Variants in AFAP1L2 observed in about 807,000 individuals in gnomAD.
The protein encoded by AFAP1L2 is actin filament-associated protein 1-like 2.
In AFAP1L2, 46 loss-of-function variants were observed where a neutral mutation model predicts 99.3. The ratio of observed to expected loss-of-function variants is 0.46; its 90% CI spans 0.37 to 0.59. AFAP1L2 has a LOEUF of 0.59. Ranked by LOEUF, AFAP1L2 falls within the 20% of genes least tolerant of loss-of-function variation. The probability of loss-of-function intolerance (pLI) is 0.00; values close to 1 mark genes in which losing one functional copy is unlikely to be tolerated. For missense variants in AFAP1L2, 959 were observed against 1,034.9 expected (o/e 0.93, Z 1.01); for synonymous variants, 397 against 419.1 (o/e 0.95, Z 0.64).
chr10:114,396,333 A>G (rs183458494), intron 1 of AFAP1L2, among the ~76,000 whole-genome samples: 1 of 152,234 alleles, frequency 6.6e-6, no homozygotes, highest in African/African-American at 2.4e-5. Flanking sequence ...AAAGGAAAAC[A>G]CCAAGATCTT....
intron 5 of AFAP1L2, among the ~76,000 whole-genome samples, chr10:114,317,055 G>C (rs2044252670): frequency 6.6e-6 from 1 of 152,154 alleles, no homozygotes; most frequent in Admixed American, 6.5e-5. Context: ...ACACCCTTCA[G>C]AAGAGGACCA....
chr10:114,288,774 A>G, the AFAP1L2 span, among the ~76,000 whole-genome samples: 2 of 152,232 alleles, frequency 1.3e-5, no homozygotes, highest in Non-Finnish European at 2.9e-5. Flanking sequence ...ATATTCTAGG[A>G]AAGTGCTGTT....
downstream of AFAP1L2, among the ~76,000 whole-genome samples, chr10:114,292,600 A>G (rs2039702768): frequency 6.6e-6 from 1 of 150,706 alleles, no homozygotes; most frequent in Non-Finnish European, 1.5e-5. Context: ...TTACTTCCCT[A>G]TCGCTGCAGT....
intron 6 of AFAP1L2, 56 bp from the exon 7 acceptor site, chr10:114,314,106 T>C (rs2043726016): frequency 6.4e-7 from 1 of 1,554,702 alleles, no homozygotes; most frequent in African/African-American, 1.4e-5. Flanking sequence ...GCGGAGGTGA[T>C]GTCTGCAAAG....
At chr10:114,378,951 C>T (rs1225367124) in intron 1 of AFAP1L2, among the ~76,000 whole-genome samples, 2 of 152,072 alleles carry the variant, frequency 1.3e-5, no homozygotes, top group Non-Finnish European at 2.9e-5. Flanking sequence ...GCAGCTCATG[C>T]CTGTAATCCC....
chr10:114,335,141 A>G (rs2047744254), intron 2 of AFAP1L2, among the ~76,000 whole-genome samples: 3 of 152,208 alleles, frequency 2.0e-5, no homozygotes, highest in Admixed American at 2.0e-4. Flanking sequence ...TGAAGAGGGT[A>G]TAAATTGGCA....
At position 114,295,987 on chromosome 10, in the gene AFAP1L2, A is replaced by G. The variant is rs2040148972; in HGVS notation, c.*55T>C. 2 of 1,613,798 alleles carry G rather than the reference A, an allele frequency of 1.2e-6. No homozygotes were observed. Among genetic ancestry groups the G allele is most frequent in the Non-Finnish European group, 1.7e-6 (2 of 1,179,852 alleles). ...CGCATAGTTTTTGCTTTAACAAAGC[A>G]GGATTGTCACCAAGGTCCACATTGA... On this transcript the variant is annotated 3_prime_UTR_variant, in exon 19 of 19. Coordinates refer to ENST00000304129, the MANE Select transcript of AFAP1L2 (RefSeq NM_001001936.3).
chr10:114,404,641 CT>C (rs2058560603), upstream of AFAP1L2: 1 of 799,046 alleles, frequency 1.3e-6, no homozygotes, highest in Non-Finnish European at 1.7e-6. Context: ...CCCAGCGCCC[CT>C]GTCCCAGCGC....
intron 2 of AFAP1L2, among the ~76,000 whole-genome samples, chr10:114,334,250 G>A (rs2047619114): frequency 7.1e-6 from 1 of 141,414 alleles, no homozygotes; most frequent in East Asian, 1.9e-4. Flanking sequence ...AGAAAAGCTG[G>A]CCTCCTAACT....
At chr10:114,340,914 C>G in intron 1 of AFAP1L2, 183 bp from the exon 2 acceptor site, 1 of 753,994 alleles carries the variant, frequency 1.3e-6, no homozygotes, top group Non-Finnish European at 2.2e-6. Context: ...AGCTCCAGGG[C>G]CACAGGGAGA....
chr10:114,283,266 C>T, the AFAP1L2 span, among the ~76,000 whole-genome samples: 2 of 151,810 alleles, frequency 1.3e-5, no homozygotes, highest in African/African-American at 2.4e-5. Context: ...GGCAGGGCAG[C>T]GAGCAGTTAG....
the AFAP1L2 span, chr10:114,282,552 C>T: frequency 6.2e-6 from 10 of 1,614,040 alleles, no homozygotes; most frequent in South Asian, 9.9e-5. Flanking sequence ...CTGCCACCTG[C>T]TACAGGACCA....
At chr10:114,282,417 G>C in the AFAP1L2 span, 1 of 965,238 alleles carries the variant, frequency 1.0e-6, no homozygotes, top group African/African-American at 1.6e-5. Flanking sequence ...TTCTGCATTG[G>C]AATCTTCTAT....
chr10:114,296,994 A>G lies in AFAP1L2; in HGVS notation c.2414T>C (p.Val805Ala). The stretch of plus-strand genomic sequence containing the variant: ...ACTGCTTACCTTGGCTTTCTGGAGT[A>G]CAGTGCCTTTGCCTGTGACCACGAC... ...LSVVVTGKGT[V>A]LQKAKEWEKK... Residue 805 changes from valine (V) to alanine (A), a missense_variant, in exon 18 of 19, where the codon GTA becomes GCA. Coordinates refer to ENST00000304129, the MANE Select transcript of AFAP1L2 (RefSeq NM_001001936.3). 6.2e-7 allele frequency: 1 copy of G among 1,614,188 alleles called. No individual in the cohort carries two copies. The highest frequency in any genetic ancestry group is 8.5e-7 in the Non-Finnish European group (1 of 1,180,024).
intron 10 of AFAP1L2, among the ~76,000 whole-genome samples, chr10:114,306,344 C>T (rs7476070): frequency 2.5e-5 from 2 of 79,230 alleles, no homozygotes; most frequent in African/African-American, 1.1e-4. Flanking sequence ...CAGGAGGGGA[C>T]GCGGGGGCAG....
intron 4 of AFAP1L2, chr10:114,326,174 T>A (rs1285756466): frequency 3.6e-6 from 2 of 554,262 alleles, no homozygotes; most frequent in South Asian, 5.1e-5. Context: ...TTTGTGAGTG[T>A]CTCCTAAGCT....
chr10:114,299,642 C>T (rs740486), intron 15 of AFAP1L2, among the ~76,000 whole-genome samples: 6,269 of 152,256 alleles, frequency 0.041, 431 homozygotes, highest in African/African-American at 0.14. Context: ...TTGAAGGATG[C>T]AAAGTATTGT....
chr10:114,369,305 A>T (rs575953919), intron 1 of AFAP1L2, among the ~76,000 whole-genome samples: 1 of 152,270 alleles, frequency 6.6e-6, no homozygotes, highest in Admixed American at 6.5e-5. Context: ...TTAAAAAAAC[A>T]AACAAACAGG....
chr10:114,287,615 T>C, the AFAP1L2 span, among the ~76,000 whole-genome samples: 1 of 152,190 alleles, frequency 6.6e-6, no homozygotes, highest in Non-Finnish European at 1.5e-5. Context: ...AGGACAGGGA[T>C]TGGCTGCCCA....
Sources: allele counts gnomAD v4.1 joint callset (sites outside exome capture counted in the v4.1 genomes callset), GRCh38; gene constraint gnomAD v4.1.1; transcripts MANE v1.5; gene names NCBI Gene and HGNC (gene_info 2026-07-23, HGNC 2026-07-21).